SI: variants seen among roughly 807,000 people sequenced by gnomAD.
SI encodes sucrase-isomaltase.
Under a neutral mutation model 253.3 loss-of-function variants are expected in SI, and 235 were observed. The observed-to-expected ratio is 0.93, with a 90% confidence interval of 0.83 to 1.03. The LOEUF (loss-of-function observed/expected upper bound fraction) is 1.03. Among genes scored for constraint, SI ranks in the 50% least tolerant of loss-of-function variants. The pLI, the probability that SI is intolerant of heterozygous loss-of-function variation, is 0.00. For missense variants in SI, 2,442 were observed against 2,211.1 expected, an observed-to-expected ratio of 1.10 and a Z score of -2.09; for synonymous variants, 819 against 712.0, an observed-to-expected ratio of 1.15 and a Z score of -2.39.
intron 12 of SI, among the ~76,000 whole-genome samples, chr3:165,058,556 C>T (rs547137443): frequency 1.3e-5 from 2 of 151,598 alleles, no homozygotes; most frequent in East Asian, 1.9e-4. Flanking sequence ...AAAAGCAAGG[C>T]CCAAATAAAC....
rs756553152 is a variant in SI at position 165,049,224 on chromosome 3, A to G, written c.1618T>C (p.Tyr540His). 1.2e-6 allele frequency: 2 copies of G among 1,604,158 alleles called. No homozygotes were observed. The highest frequency in any genetic ancestry group is 2.2e-5 in the South Asian group (2 of 90,584). Reference protein sequence around the residue: ...FTPDILDKLMYSKTICMDAVQ... With the variant: ...FTPDILDKLMHSKTICMDAVQ... ...GCATCCATGCAAATTGTTTTGGAAT[A>G]CATGAGTTTGTCAAGAATATCTTTG... Residue 540 changes from tyrosine (Y) to histidine (H), a missense_variant, in exon 15 of 48, where the codon TAT becomes CAT. Tyr to His is a moderately conservative substitution (Grantham distance 83). Transcript: ENST00000264382.
chr3:165,032,768 AGC>A, intron 23 of SI, 76 bp from the exon 24 acceptor site: 1 of 982,572 alleles, frequency 1.0e-6, no homozygotes, highest in Admixed American at 2.0e-5. Context: ...GATAAGAAAT[AGC>A]AAAAAAAGGT....
In SI at chr3:164,996,738, A is replaced by C. The variant is rs370402596; in HGVS notation, c.4575T>G (p.Tyr1525Ter). 8.7e-7 allele frequency: 1 copy of C among 1,150,256 alleles called. No homozygotes were observed. The highest frequency in any genetic ancestry group is 1.3e-6 in the Non-Finnish European group (1 of 770,408). The allele number at this position is 1,150,256 out of a possible 1,614,324, so 71.3% of individuals were successfully genotyped here. Reference protein sequence around the residue: ...MMEFSLFGMSYTGADICGFFN... With the variant: ...MMEFSLFGMS The stretch of plus-strand genomic sequence containing the variant: ...AGATAAAAGGAATAAAACTACTTAC[A>C]TATGACATTCCAAACAGACTAAATT... Residue 1525 changes from tyrosine (Y) to a stop codon, truncating the protein, a stop_gained and splice_region_variant, in exon 39 of 48, where the codon TAT becomes TAG. Coordinates refer to ENST00000264382, the MANE Select transcript of SI (RefSeq NM_001041.4). LOFTEE classifies it high-confidence loss of function.
At chr3:165,076,573 A>G (rs1714989536) in intron 1 of SI, among the ~76,000 whole-genome samples, 2 of 151,868 alleles carry the variant, frequency 1.3e-5, no homozygotes, top group Admixed American at 6.6e-5. Flanking sequence ...ACATAAATAC[A>G]TATATTTGAT....
the SI span, among the ~76,000 whole-genome samples, chr3:165,089,968 G>A: frequency 6.6e-6 from 1 of 152,048 alleles, no homozygotes; most frequent in Non-Finnish European, 1.5e-5. Flanking sequence ...ATAGGACAGA[G>A]CAAGAAGGTG....
intron 45 of SI, among the ~76,000 whole-genome samples, chr3:164,984,109 A>G (rs1717326500): frequency 6.6e-6 from 1 of 152,092 alleles, no homozygotes; most frequent in African/African-American, 2.4e-5. Context: ...ATTACTGTCA[A>G]TGTCTGGAAT....
At chr3:165,018,823 T>G (rs900371784) in intron 28 of SI, among the ~76,000 whole-genome samples, 4 of 151,536 alleles carry the variant, frequency 2.6e-5, no homozygotes, top group Non-Finnish European at 3.0e-5. Context: ...TTCTTTCAAG[T>G]TAGTGTTAAT....
At chr3:165,084,586 T>A in the SI span, among the ~76,000 whole-genome samples, 1 of 151,960 alleles carries the variant, frequency 6.6e-6, no homozygotes, top group Admixed American at 6.6e-5. Flanking sequence ...AGAATATTTA[T>A]AATTATCACT....
At chr3:165,038,506 G>A (rs1418488175) in intron 20 of SI, among the ~76,000 whole-genome samples, 2 of 149,672 alleles carry the variant, frequency 1.3e-5, no homozygotes, top group East Asian at 2.0e-4. Context: ...TCAGGAGATC[G>A]AGACTATCCT....
At chr3:165,058,884 A>ACACACACG (rs1236952458) in intron 12 of SI, 79 bp downstream of exon 12, 12 of 1,173,476 alleles carry the variant, frequency 1.0e-5, no homozygotes, top group South Asian at 7.5e-5. Flanking sequence ...ACACACACAC[A>ACACACACG]CACGCACATC....
chr3:165,001,648 A>G (rs1718260558), intron 37 of SI, among the ~76,000 whole-genome samples: 1 of 151,480 alleles, frequency 6.6e-6, no homozygotes, highest in Non-Finnish European at 1.5e-5. Flanking sequence ...ATTCATCTAT[A>G]TCATTCAGAA....
At chr3:165,087,689 C>T in the SI span, among the ~76,000 whole-genome samples, 3 of 152,088 alleles carry the variant, frequency 2.0e-5, no homozygotes, top group Admixed American at 6.6e-5. Context: ...TACTTTTTAC[C>T]TCAGGCTCCA....
chr3:165,077,581 TGTAAA>T (rs1429467986), intron 1 of SI, among the ~76,000 whole-genome samples: 2 of 151,688 alleles, frequency 1.3e-5, no homozygotes, highest in African/African-American at 4.8e-5. Flanking sequence ...AGAAAATGAA[TGTAAA>T]GTAAACAGAG....
chr3:165,015,773 G>T (rs1718992660), intron 32 of SI, among the ~76,000 whole-genome samples, 179 bp downstream of exon 32: 1 of 151,998 alleles, frequency 6.6e-6, no homozygotes, highest in Non-Finnish European at 1.5e-5. Flanking sequence ...TAAATACAAA[G>T]GTAGCTGATC....
intron 13 of SI, among the ~76,000 whole-genome samples, chr3:165,051,002 C>T (rs1256777339): frequency 1.3e-5 from 2 of 151,962 alleles, no homozygotes; most frequent in East Asian, 3.9e-4. Context: ...ATATCTGAGA[C>T]CGATGGTGTC....
In SI at chr3:165,019,663, G is replaced by T; in HGVS notation, c.3362C>A (p.Ala1121Glu). The change falls in exon 28 of 48, where the codon GCA becomes GAA. Residue 1121 changes from alanine to glutamate, a missense_variant. Coordinates refer to ENST00000264382, the MANE Select transcript of SI (RefSeq NM_001041.4). ...ATTCCAGTTCAGATCTCGCTTAAAT[G>T]CTGTATGTTCCACTTCCCCAAAACC... ...IYGFGEVEHT[A>E]FKRDLNWNTW... 1 of 1,612,600 alleles carries T rather than the reference G, an allele frequency of 6.2e-7. No individual in the cohort carries two copies. Among genetic ancestry groups the T allele is most frequent in the Non-Finnish European group, 8.5e-7 (1 of 1,179,108 alleles).
At chr3:165,012,597 T>C (rs1718823505) in intron 34 of SI, among the ~76,000 whole-genome samples, 1 of 151,930 alleles carries the variant, frequency 6.6e-6, no homozygotes, top group Non-Finnish European at 1.5e-5. Context: ...CCTGGTTATT[T>C]TTTTTTGTAT....
At chr3:165,052,938 T>C (rs1449114813) in intron 13 of SI, among the ~76,000 whole-genome samples, 2 of 151,750 alleles carry the variant, frequency 1.3e-5, no homozygotes, top group Non-Finnish European at 2.9e-5. Flanking sequence ...TTCCAAATAC[T>C]ATATATTAAA....
chr3:165,030,222 C>G (rs1712160371), intron 25 of SI, among the ~76,000 whole-genome samples: 1 of 150,776 alleles, frequency 6.6e-6, no homozygotes, highest in Non-Finnish European at 1.5e-5. Flanking sequence ...GTAAAAACAC[C>G]TGCCATCCTC....
Sources: gnomAD v4.1 joint callset for allele counts (sites outside exome capture counted in the v4.1 genomes callset) on GRCh38, gnomAD v4.1.1 for gene constraint, MANE v1.5 for transcripts, NCBI Gene and HGNC (gene_info 2026-07-23, HGNC 2026-07-21) for gene names.